The following LARP1B variants were observed in gnomAD, a reference collection of about 807,000 sequenced individuals.
LARP1B encodes the protein La ribonucleoprotein 1B.
LARP1B carries 76 observed loss-of-function variants against 114.2 expected under a neutral mutation model. The ratio of observed to expected loss-of-function variants is 0.67; its 90% confidence interval spans 0.55 to 0.81. LARP1B has a LOEUF of 0.81. Among genes scored for constraint, LARP1B ranks in the 30% least tolerant of loss-of-function variants. The pLI, the probability that LARP1B is intolerant of heterozygous loss-of-function variation, is 0.00. For missense variants in LARP1B, 1,014 were observed against 1,075.8 expected (o/e 0.94, Z 0.80); for synonymous variants, 345 against 348.0 (o/e 0.99, Z 0.10).
At chr4:128,187,309 T>C (rs1750697204) in intron 15 of LARP1B, among the ~76,000 whole-genome samples, 1 of 152,358 alleles carries the variant, frequency 6.6e-6, no homozygotes, top group African/African-American at 2.4e-5. Context: ...TGGAAAGCCA[T>C]AGGCATGGAG....
chr4:128,109,904 A>G (rs1364767827), intron 9 of LARP1B, among the ~76,000 whole-genome samples: 2 of 151,066 alleles, frequency 1.3e-5, no homozygotes, highest in East Asian at 1.9e-4. Context: ...TTCAGTTGAT[A>G]TTTTTTTTGT....
intron 9 of LARP1B, among the ~76,000 whole-genome samples, chr4:128,111,071 G>A (rs1278452127): frequency 6.7e-6 from 1 of 149,212 alleles, no homozygotes; most frequent in Non-Finnish European, 1.5e-5. Flanking sequence ...TTAAGAGATG[G>A]TGTCTTGCTC....
chr4:128,078,390 C>T (rs1001926463), intron 4 of LARP1B, among the ~76,000 whole-genome samples: 25 of 151,832 alleles, frequency 1.6e-4, no homozygotes, highest in African/African-American at 5.8e-4. Flanking sequence ...CTGAGGCAGG[C>T]GGACCACTTG....
At chr4:128,069,348 A>G (rs1262614006) in intron 1 of LARP1B, 1 of 776,442 alleles carries the variant, frequency 1.3e-6, no homozygotes, top group East Asian at 2.4e-5. Context: ...ACTTTGAGCA[A>G]ACTTTAGCTG....
intron 11 of LARP1B, among the ~76,000 whole-genome samples, chr4:128,158,700 G>A (rs1282242224): frequency 9.2e-5 from 14 of 152,126 alleles, no homozygotes; most frequent in African/African-American, 3.1e-4. Context: ...TAAAGCTGCA[G>A]TGAGATAACA....
chr4:128,116,302 T>G (rs1396221352), intron 10 of LARP1B, among the ~76,000 whole-genome samples: 1 of 152,208 alleles, frequency 6.6e-6, no homozygotes, highest in Admixed American at 6.5e-5. Context: ...AGTCAATACC[T>G]TGTTTGGGAT....
Position 128,211,340 on chromosome 4 carries a change from T to G in LARP1B, c.*1287T>G. 6 of 969,704 alleles carry G rather than the reference T, an allele frequency of 6.2e-6. No individual in the cohort carries two copies. Among genetic ancestry groups the G allele is most frequent in the Non-Finnish European group, 6.1e-6 (5 of 815,702 alleles). The allele number at this position is 969,704 out of a possible 1,614,324, so 60.1% of individuals were successfully genotyped here. On this transcript the variant is annotated 3_prime_UTR_variant, in exon 20 of 20. Transcript: ENST00000326639. ...TTTCCATATGCTAAATTAATTGTAT[T>G]TTCTTTTTGAGCAGATTGGATATCT...
intron 11 of LARP1B, among the ~76,000 whole-genome samples, chr4:128,132,658 A>G (rs1791941161): frequency 6.6e-6 from 1 of 152,080 alleles, no homozygotes; most frequent in Admixed American, 6.6e-5. Context: ...ACAGTATGTG[A>G]AAGGAGCCAT....
intron 8 of LARP1B, among the ~76,000 whole-genome samples, chr4:128,099,577 T>C (rs1366304516): frequency 2.0e-5 from 3 of 152,188 alleles, no homozygotes; most frequent in Non-Finnish European, 4.4e-5. Context: ...CAGTAGTTTG[T>C]TCTTTCATAT....
intron 11 of LARP1B, among the ~76,000 whole-genome samples, chr4:128,132,320 C>G (rs1045505571): frequency 1.1e-4 from 17 of 152,236 alleles, no homozygotes; most frequent in Middle Eastern, 3.4e-3. Flanking sequence ...TCTTGGCTCA[C>G]TGCAACCTCT....
At chr4:128,126,011 A>C (rs1279239267) in intron 11 of LARP1B, among the ~76,000 whole-genome samples, 1 of 152,236 alleles carries the variant, frequency 6.6e-6, no homozygotes, top group Non-Finnish European at 1.5e-5. Context: ...TATTGCAAGG[A>C]AAGTTAGCAG....
At chr4:128,189,220 A>AT (rs1270849869) in intron 15 of LARP1B, among the ~76,000 whole-genome samples, 2 of 137,082 alleles carry the variant, frequency 1.5e-5, no homozygotes, top group African/African-American at 5.3e-5. Flanking sequence ...CTCTTGCTGA[A>AT]TTGATCCTTT....
At chr4:128,081,895 T>C (rs948586158) in intron 4 of LARP1B, among the ~76,000 whole-genome samples, 5 of 152,180 alleles carry the variant, frequency 3.3e-5, no homozygotes, top group African/African-American at 9.7e-5. Flanking sequence ...CCACCACACC[T>C]GGCTAATTTT....
At position 128,207,373 on chromosome 4, in the gene LARP1B, T is replaced by TC. The variant is rs780729208; in HGVS notation, c.2539dup (p.Arg847ProfsTer3). ...TGTAGTTTTAAGAGGTTAGAAGACT[T>TC]CCGTGTTGATGTAAGTTTTAAGTCA... is the stretch of plus-strand genomic sequence containing the variant. On this transcript the variant is annotated frameshift_variant, in exon 19 of 20. Coordinates refer to ENST00000326639, the MANE Select transcript of LARP1B (RefSeq NM_018078.4). LOFTEE classifies it low-confidence loss of function (END_TRUNC). The TC allele has an allele frequency of 1.2e-5, 18 of 1,511,890 alleles. No individual in the cohort carries two copies. The highest frequency in any genetic ancestry group is 1.6e-5 in the Non-Finnish European group (18 of 1,129,406). The allele number at this position is 1,511,890 out of a possible 1,614,324, so 93.7% of individuals were successfully genotyped here. A position where few individuals can be genotyped will look rare whatever the true frequency, so the allele number is the denominator to read the frequency against.
At chr4:128,079,343 C>T (rs896901114) in intron 4 of LARP1B, among the ~76,000 whole-genome samples, 1 of 152,072 alleles carries the variant, frequency 6.6e-6, no homozygotes, top group Admixed American at 6.6e-5. Context: ...GATCCACCTG[C>T]CTCGGCCTCC....
chr4:128,149,407 G>A (rs1169452431), intron 11 of LARP1B, among the ~76,000 whole-genome samples: 1 of 139,760 alleles, frequency 7.2e-6, no homozygotes, highest in East Asian at 2.2e-4. Flanking sequence ...TCAGAATAGG[G>A]GAGGACAGAA....
chr4:128,120,020 A>G (rs1787352466), intron 10 of LARP1B, among the ~76,000 whole-genome samples: 2 of 152,334 alleles, frequency 1.3e-5, no homozygotes, highest in East Asian at 1.9e-4. Context: ...ATTGTTTAAA[A>G]TATATCATCA....
intron 12 of LARP1B, among the ~76,000 whole-genome samples, chr4:128,164,741 C>G (rs1739990847): frequency 6.6e-6 from 1 of 152,142 alleles, no homozygotes; most frequent in Non-Finnish European, 1.5e-5. Flanking sequence ...AGGAGGATCA[C>G]TTGAGCCCAG....
intron 9 of LARP1B, chr4:128,108,832 G>A: frequency 1.0e-6 from 1 of 983,226 alleles, no homozygotes; most frequent in Non-Finnish European, 1.2e-6. Flanking sequence ...GGTAAGATAG[G>A]TCAGTCAAGT....
Sources: gnomAD v4.1 joint callset for allele counts (sites outside exome capture counted in the v4.1 genomes callset) on GRCh38, gnomAD v4.1.1 for gene constraint, MANE v1.5 for transcripts, NCBI Gene and HGNC (gene_info 2026-07-23, HGNC 2026-07-21) for gene names.